Variants in NCOA2 observed in about 807,000 individuals in gnomAD.
The protein encoded by NCOA2 is nuclear receptor coactivator 2.
A neutral mutation model predicts 145.1 loss-of-function variants in NCOA2; 21 were observed. That is an observed-to-expected ratio of 0.14 (90% CI 0.10 to 0.21). NCOA2 has a LOEUF of 0.21. Among genes scored for constraint, NCOA2 ranks in the 10% least tolerant of loss-of-function variants. The pLI is 1.00. For synonymous variants in NCOA2, 619 were observed against 637.5 expected, an observed-to-expected ratio of 0.97 and a Z score of 0.44; for missense variants, 1,472 against 1,837.6, an observed-to-expected ratio of 0.80 and a Z score of 3.64.
intron 1 of NCOA2, among the ~76,000 whole-genome samples, chr8:70,351,569 T>C (rs1016953282): frequency 1.3e-5 from 2 of 151,518 alleles, no homozygotes; most frequent in African/African-American, 4.8e-5. Flanking sequence ...AGAGCATTTA[T>C]TTGGGTTCAC....
chr8:70,185,346 A>G (rs1815940812), intron 4 of NCOA2, among the ~76,000 whole-genome samples: 1 of 152,214 alleles, frequency 6.6e-6, no homozygotes, highest in Non-Finnish European at 1.5e-5. Context: ...AGAATCATCC[A>G]ATTTAGAGCC....
At chr8:70,287,683 T>C (rs76847451) in intron 2 of NCOA2, among the ~76,000 whole-genome samples, 2 of 152,210 alleles carry the variant, frequency 1.3e-5, no homozygotes, top group Non-Finnish European at 2.9e-5. Context: ...ATATCATTTC[T>C]GTAACCTGCA....
intron 11 of NCOA2, among the ~76,000 whole-genome samples, chr8:70,149,623 T>A (rs1811533145): frequency 6.6e-6 from 1 of 152,018 alleles, no homozygotes; most frequent in Admixed American, 6.6e-5. Context: ...AAGCTAAGTA[T>A]CACCACTATT....
chr8:70,357,696 G>A (rs71523181), intron 1 of NCOA2, among the ~76,000 whole-genome samples: 15,898 of 147,604 alleles, frequency 0.11, 1,283 homozygotes, highest in East Asian at 0.42. Context: ...AACCTAGATC[G>A]TGCGCCACTG....
At chr8:70,417,245 T>TAAAAA in the NCOA2 span, among the ~76,000 whole-genome samples, 26 of 77,988 alleles carry the variant, frequency 3.3e-4, no homozygotes, top group African/African-American at 1.6e-3. Flanking sequence ...TCGTCTCTAT[T>TAAAAA]AAAAAAAAAA....
intron 12 of NCOA2, among the ~76,000 whole-genome samples, chr8:70,146,738 CA>C (rs1218238214): frequency 6.6e-6 from 1 of 151,946 alleles, no homozygotes; most frequent in African/African-American, 2.4e-5. Context: ...TCTTGTTGTC[CA>C]CGGTGGAGTG....
the NCOA2 span, among the ~76,000 whole-genome samples, chr8:70,417,199 G>A: frequency 4.2e-5 from 6 of 142,198 alleles, no homozygotes; most frequent in Non-Finnish European, 7.5e-5. Context: ...CTTGAGGCCA[G>A]GAGCTTGAGA....
intron 1 of NCOA2, among the ~76,000 whole-genome samples, chr8:70,348,568 T>C (rs1331254072): frequency 6.6e-6 from 1 of 152,100 alleles, no homozygotes; most frequent in Non-Finnish European, 1.5e-5. Context: ...AGGGTCTGAA[T>C]AAAGGTGGTG....
intron 2 of NCOA2, among the ~76,000 whole-genome samples, chr8:70,241,733 A>C (rs1822152520): frequency 6.6e-6 from 1 of 152,148 alleles, no homozygotes; most frequent in South Asian, 2.1e-4. Flanking sequence ...AGCTTGGACC[A>C]GTGACTTTAC....
the NCOA2 span, among the ~76,000 whole-genome samples, chr8:70,411,272 C>G: frequency 6.6e-6 from 1 of 152,006 alleles, no homozygotes; most frequent in Non-Finnish European, 1.5e-5. Context: ...ACAGGCAGTT[C>G]TAGCCAATGT....
At chr8:70,129,053 T>C (rs1808778087) in intron 16 of NCOA2, 73 bp from the exon 17 acceptor site, 2 of 1,370,854 alleles carry the variant, frequency 1.5e-6, no homozygotes, top group African/African-American at 1.5e-5. Context: ...AAGGCTGTTT[T>C]CTCTCACTAT....
chr8:70,317,682 C>T (rs1805714377), intron 1 of NCOA2, among the ~76,000 whole-genome samples: 1 of 152,126 alleles, frequency 6.6e-6, no homozygotes, highest in African/African-American at 2.4e-5. Flanking sequence ...AGATAAACAG[C>T]ACTGCACTTT....
rs931086711 is a variant in NCOA2, at chr8:70,138,388, T to C, written c.3029-56A>G. 5.4e-6 allele frequency: 8 copies of C among 1,488,850 alleles called. No homozygotes were observed. In the Middle Eastern group the frequency reaches 5.4e-4, roughly 101 times the overall value. 92.2% of individuals were successfully genotyped at this position (1,488,850 alleles called of 1,614,324 possible). ...CTTTAATCAAGGAAGCATTTATTTC[T>C]GCTATGTAATATAAAGTGAAATGTC... is the stretch of plus-strand genomic sequence containing the variant. On this transcript the variant is annotated intron_variant, in intron 14 of 22. Coordinates refer to ENST00000452400, the MANE Select transcript of NCOA2 (RefSeq NM_006540.4).
intron 3 of NCOA2, among the ~76,000 whole-genome samples, chr8:70,214,871 AACAAT>A (rs534034674): frequency 6.6e-6 from 1 of 152,176 alleles, no homozygotes; most frequent in African/African-American, 2.4e-5. Flanking sequence ...TGACATTCAA[AACAAT>A]ACAATAAGGA....
At chr8:70,441,849 A>G in the NCOA2 span, among the ~76,000 whole-genome samples, 1 of 151,380 alleles carries the variant, frequency 6.6e-6, no homozygotes, top group Non-Finnish European at 1.5e-5. Context: ...AAAGACAGAA[A>G]GACAGACAGA....
At chr8:70,143,314 T>G in intron 13 of NCOA2, among the ~76,000 whole-genome samples, 1 of 152,176 alleles carries the variant, frequency 6.6e-6, no homozygotes, top group East Asian at 1.9e-4. Flanking sequence ...ACCAGTGCTC[T>G]CTTGGCTGCT....
At chr8:70,290,224 T>A (rs941617571) in intron 2 of NCOA2, among the ~76,000 whole-genome samples, 6 of 150,522 alleles carry the variant, frequency 4.0e-5, no homozygotes, top group Non-Finnish European at 3.0e-5. Context: ...TCTCGCTCTG[T>A]TGCCCAGGCT....
At chr8:70,447,526 T>C in the NCOA2 span, among the ~76,000 whole-genome samples, 4 of 152,138 alleles carry the variant, frequency 2.6e-5, no homozygotes, top group East Asian at 7.7e-4. Context: ...TTAGAGTGAC[T>C]GACTCACTTA....
chr8:70,234,375 C>T (rs1231790484), intron 2 of NCOA2, among the ~76,000 whole-genome samples: 2 of 152,140 alleles, frequency 1.3e-5, no homozygotes, highest in Non-Finnish European at 2.9e-5. Context: ...GGATATATAG[C>T]TAGGAATGGA....
Sources: gnomAD v4.1 joint callset for allele counts (sites outside exome capture counted in the v4.1 genomes callset) on GRCh38, gnomAD v4.1.1 for gene constraint, MANE v1.5 for transcripts, NCBI Gene and HGNC (gene_info 2026-07-23, HGNC 2026-07-21) for gene names.